ERC1: variants seen among roughly 807,000 people sequenced by gnomAD.
ERC1 encodes ELKS/RAB6-interacting/CAST family member 1, also known as RAB6 interacting protein 2.
A neutral mutation model predicts 132.0 loss-of-function variants in ERC1; 56 were observed. The ratio of observed to expected loss-of-function variants is 0.42; its 90% CI spans 0.34 to 0.53. The LOEUF is 0.53. ERC1 is among the 20% of genes least tolerant of loss of function. ERC1 has a pLI of 0.03. For synonymous variants in ERC1, 478 were observed against 476.1 expected, an observed-to-expected ratio of 1.00 and a Z score of -0.05; for missense variants, 1,202 against 1,349.9, an observed-to-expected ratio of 0.89 and a Z score of 1.72.
intron 7 of ERC1, among the ~76,000 whole-genome samples, chr12:1,129,889 A>G (rs1948590955): frequency 6.6e-6 from 1 of 152,180 alleles, no homozygotes; most frequent in Admixed American, 6.5e-5. Context: ...AACTAATCTA[A>G]TATCAATATA....
intron 14 of ERC1, among the ~76,000 whole-genome samples, chr12:1,285,328 G>A (rs1391285948): frequency 6.6e-6 from 1 of 152,150 alleles, no homozygotes; most frequent in Non-Finnish European, 1.5e-5. Context: ...GGCAGCCCAA[G>A]ATAGTCAAGT....
intron 7 of ERC1, among the ~76,000 whole-genome samples, chr12:1,118,438 T>G (rs1019526478): frequency 1.2e-4 from 18 of 152,190 alleles, no homozygotes; most frequent in Non-Finnish European, 2.5e-4. Context: ...GAGAATAGAT[T>G]GTATTTATTG....
At chr12:1,473,510 G>A (rs959499330) in intron 18 of ERC1, among the ~76,000 whole-genome samples, 11 of 151,774 alleles carry the variant, frequency 7.2e-5, no homozygotes, top group Non-Finnish European at 1.5e-4. Context: ...CGCACCCGTA[G>A]TCCCGGCTAC....
chr12:1,022,902 GCCAC>G (rs1966590583), intron 1 of ERC1, among the ~76,000 whole-genome samples: 1 of 152,148 alleles, frequency 6.6e-6, no homozygotes, highest in African/African-American at 2.4e-5. Context: ...ACAGGCGTTA[GCCAC>G]CGCGCCCAGC....
intron 10 of ERC1, among the ~76,000 whole-genome samples, chr12:1,182,586 T>G (rs188226226): frequency 7.7e-4 from 117 of 152,342 alleles, no homozygotes; most frequent in Middle Eastern, 3.4e-3. Flanking sequence ...TGGATTTTCT[T>G]TCTAATATCT....
chr12:1,251,580 G>T (rs1009744398), intron 13 of ERC1, among the ~76,000 whole-genome samples: 9 of 152,084 alleles, frequency 5.9e-5, no homozygotes, highest in Non-Finnish European at 1.5e-5. Flanking sequence ...TTTACTGCAG[G>T]TGAAGCACCT....
At chr12:1,405,711 T>C (rs1427147780) in intron 16 of ERC1, among the ~76,000 whole-genome samples, 2 of 151,586 alleles carry the variant, frequency 1.3e-5, no homozygotes, top group African/African-American at 4.9e-5. Context: ...TCAAAAAAAT[T>C]AAATAAATGG....
chr12:1,304,779 CTTTT>C (rs1186965322), intron 15 of ERC1, among the ~76,000 whole-genome samples: 1,374 of 69,610 alleles, frequency 0.02, 3 homozygotes, highest in African/African-American at 0.058. Flanking sequence ...TGTTGTAACT[CTTTT>C]TTTTTTTTTT....
chr12:1,143,503 T>C (rs550457757), intron 8 of ERC1, among the ~76,000 whole-genome samples: 6 of 152,228 alleles, frequency 3.9e-5, no homozygotes, highest in South Asian at 2.1e-4. Flanking sequence ...TCCAGTAACA[T>C]TGTTTAAATT....
chr12:1,316,120 C>T (rs2081691681), intron 15 of ERC1, among the ~76,000 whole-genome samples: 1 of 152,174 alleles, frequency 6.6e-6, no homozygotes, highest in Non-Finnish European at 1.5e-5. Context: ...ATCTCCTGAC[C>T]TCGTGATCCA....
intron 7 of ERC1, among the ~76,000 whole-genome samples, chr12:1,129,889 A>T (rs1948590955): frequency 6.6e-6 from 1 of 152,298 alleles, no homozygotes; most frequent in African/African-American, 2.4e-5. Context: ...AACTAATCTA[A>T]TATCAATATA....
chr12:1,063,496 A>G (rs1938464999), intron 2 of ERC1, among the ~76,000 whole-genome samples: 1 of 152,152 alleles, frequency 6.6e-6, no homozygotes, highest in Non-Finnish European at 1.5e-5. Context: ...TGCTGACTTC[A>G]GGTGATCTAC....
At chr12:1,177,025 C>T (rs756855670) in intron 8 of ERC1, among the ~76,000 whole-genome samples, 25 of 152,196 alleles carry the variant, frequency 1.6e-4, no homozygotes, top group African/African-American at 4.1e-4. Flanking sequence ...ATTATGGAGA[C>T]GGCTTCTTTC....
At chr12:1,196,765 C>G (rs1233425378) in intron 12 of ERC1, among the ~76,000 whole-genome samples, 1 of 148,840 alleles carries the variant, frequency 6.7e-6, no homozygotes, top group African/African-American at 2.5e-5. Context: ...GCTGGGATTA[C>G]AGGCATGAGC....
chr12:1,037,232 C>T (rs1486483285), intron 2 of ERC1, among the ~76,000 whole-genome samples: 1 of 152,102 alleles, frequency 6.6e-6, no homozygotes, highest in East Asian at 1.9e-4. Flanking sequence ...TTTTTATTTT[C>T]CTCTGTCTTT....
At chr12:1,073,092 G>A (rs1390790972) in intron 2 of ERC1, among the ~76,000 whole-genome samples, 1 of 152,124 alleles carries the variant, frequency 6.6e-6, no homozygotes, top group Non-Finnish European at 1.5e-5. Context: ...ATGAGGTCAA[G>A]AGATCGAGAC....
At chr12:1,382,568 G>A (rs11061736) in intron 16 of ERC1, among the ~76,000 whole-genome samples, 44,345 of 152,112 alleles carry the variant, frequency 0.29, 6,695 homozygotes, top group Middle Eastern at 0.35. Flanking sequence ...TAAGGCCACA[G>A]GCTGCCTGAC....
At chr12:1,129,868 G>A (rs1305297837) in intron 7 of ERC1, among the ~76,000 whole-genome samples, 4 of 151,896 alleles carry the variant, frequency 2.6e-5, no homozygotes, top group Admixed American at 2.6e-4. Flanking sequence ...AGGCATTAAT[G>A]TAACAGGAGA....
chr12:1,427,485 G>T (rs575485506), intron 17 of ERC1, among the ~76,000 whole-genome samples: 2 of 152,136 alleles, frequency 1.3e-5, no homozygotes, highest in Non-Finnish European at 2.9e-5. Flanking sequence ...TGTGATACAT[G>T]ACAGTAGTGC....
Sources: gnomAD v4.1 joint callset for allele counts (sites outside exome capture counted in the v4.1 genomes callset) on GRCh38, gnomAD v4.1.1 for gene constraint, MANE v1.5 for transcripts, NCBI Gene and HGNC (gene_info 2026-07-23, HGNC 2026-07-21) for gene names.